The following MLIP variants were observed in gnomAD, a reference collection of about 807,000 sequenced individuals.
MLIP encodes the protein muscular LMNA interacting protein.
A neutral mutation model predicts 84.8 loss-of-function variants in MLIP; 79 were observed. The ratio of observed to expected loss-of-function variants is 0.93; its 90% CI spans 0.78 to 1.12. The LOEUF (loss-of-function observed/expected upper bound fraction) is 1.12. Among genes scored for constraint, MLIP ranks in the 50% most tolerant of loss-of-function variants. The probability of loss-of-function intolerance (pLI) is 0.00; values close to 1 mark genes in which losing one functional copy is unlikely to be tolerated. For synonymous variants in MLIP, 504 were observed against 463.0 expected (o/e 1.09, Z -1.14); for missense variants, 1,257 against 1,160.6 (o/e 1.08, Z -1.21).
intron 9 of MLIP, 136 bp from the exon 10 acceptor site, chr6:54,189,734 A>T (rs1582449159): frequency 3.2e-6 from 2 of 634,884 alleles, no homozygotes; most frequent in Admixed American, 6.4e-5. Flanking sequence ...GCATAAGGAT[A>T]TTTTTCCTTT....
chr6:54,241,446 G>A (rs1781730499), intron 12 of MLIP, among the ~76,000 whole-genome samples: 1 of 151,738 alleles, frequency 6.6e-6, no homozygotes, highest in South Asian at 2.1e-4. Context: ...GTTTACAATT[G>A]GGCCTGAGTG....
At chr6:54,123,919 C>T (rs1426321386) in intron 2 of MLIP, among the ~76,000 whole-genome samples, 3 of 152,158 alleles carry the variant, frequency 2.0e-5, no homozygotes, top group African/African-American at 7.2e-5. Context: ...ATGCTTTGTA[C>T]TAAAAATATC....
Position 54,105,501 on chromosome 6 carries a change from A to G in MLIP, c.64-15946A>G, listed in dbSNP as rs138508734. Among the ~76,000 whole-genome samples, 507 of 152,340 alleles carry G rather than the reference A, an allele frequency of 3.3e-3. 4 individuals carry two copies. The highest frequency in any genetic ancestry group is 0.011 in the African/African-American group (450 of 41,580). On this transcript the variant is annotated intron_variant, in intron 1 of 12. Transcript: ENST00000274897. ...ACAAGTATTTATTGAATGCCTTTAC[A>G]TGCCACATACTACTCTAGTTGCTAC...
chr6:54,107,189 T>C (rs1440868325), upstream of MLIP, among the ~76,000 whole-genome samples: 1 of 152,202 alleles, frequency 6.6e-6, no homozygotes, highest in Non-Finnish European at 1.5e-5. Context: ...TTTGGTTTAC[T>C]TTAATTAAGG....
At chr6:54,071,813 G>T (rs1430291083) in intron 1 of MLIP, among the ~76,000 whole-genome samples, 2 of 152,102 alleles carry the variant, frequency 1.3e-5, no homozygotes, top group South Asian at 2.1e-4. Flanking sequence ...AAAAGAGAGA[G>T]AAATGAAAAT....
At chr6:54,165,094 T>C (rs1775041349) in intron 8 of MLIP, among the ~76,000 whole-genome samples, 1 of 151,974 alleles carries the variant, frequency 6.6e-6, no homozygotes, top group Non-Finnish European at 1.5e-5. Context: ...GTTGGGTGTA[T>C]ATATGCCTGG....
chr6:54,143,444 G>A (rs900851409), intron 4 of MLIP, among the ~76,000 whole-genome samples: 2 of 152,058 alleles, frequency 1.3e-5, no homozygotes, highest in African/African-American at 4.8e-5. Flanking sequence ...GACCTCAGGT[G>A]ATCCGCCTGC....
intron 11 of MLIP, among the ~76,000 whole-genome samples, chr6:54,225,972 C>A (rs1416042530): frequency 6.6e-6 from 1 of 152,052 alleles, no homozygotes; most frequent in African/African-American, 2.4e-5. Context: ...GACATAGCAA[C>A]CCAAGAAAGC....
At chr6:54,209,152 T>C (rs901869568) in intron 11 of MLIP, among the ~76,000 whole-genome samples, 2 of 152,182 alleles carry the variant, frequency 1.3e-5, no homozygotes, top group Non-Finnish European at 2.9e-5. Context: ...TATAGACAGA[T>C]TTTGAATGAG....
intron 11 of MLIP, among the ~76,000 whole-genome samples, chr6:54,207,128 G>A (rs1779084726): frequency 6.6e-6 from 1 of 151,190 alleles, no homozygotes; most frequent in Admixed American, 6.6e-5. Flanking sequence ...GCTTCTCTAA[G>A]TTTTGCCATG....
intron 1 of MLIP, among the ~76,000 whole-genome samples, chr6:54,041,555 A>T (rs1368312876): frequency 6.6e-6 from 1 of 152,090 alleles, no homozygotes; most frequent in African/African-American, 2.4e-5. Flanking sequence ...AGTGTGTGTG[A>T]GTTCCAGTTG....
chr6:54,083,501 A>G (rs905906309), intron 1 of MLIP: 2 of 1,534,978 alleles, frequency 1.3e-6, no homozygotes, highest in Non-Finnish European at 8.7e-7. Context: ...TTTGTCAATG[A>G]GTTCTATTGG....
intron 1 of MLIP, among the ~76,000 whole-genome samples, chr6:54,073,266 G>A (rs1042609999): frequency 1.6e-4 from 24 of 152,092 alleles, no homozygotes; most frequent in African/African-American, 3.4e-4. Context: ...TCAGGTTTTC[G>A]TAGTTAACTT....
intron 12 of MLIP, among the ~76,000 whole-genome samples, chr6:54,240,078 T>C (rs916073887): frequency 6.6e-6 from 1 of 152,212 alleles, no homozygotes; most frequent in African/African-American, 2.4e-5. Context: ...ATGCCTATAC[T>C]TGAAAAAGTA....
At chr6:54,181,853 A>G (rs1776904563) in intron 9 of MLIP, among the ~76,000 whole-genome samples, 1 of 152,194 alleles carries the variant, frequency 6.6e-6, no homozygotes, top group African/African-American at 2.4e-5. Context: ...CTAGTGCTCT[A>G]TCCAATTGTG....
intron 3 of MLIP, among the ~76,000 whole-genome samples, chr6:54,133,716 T>C (rs1379890740): frequency 6.6e-6 from 1 of 152,188 alleles, no homozygotes; most frequent in Non-Finnish European, 1.5e-5. Context: ...TGGTCTCTAT[T>C]ACATAGGATC....
chr6:54,092,573 A>T (rs1388584790), intron 1 of MLIP, among the ~76,000 whole-genome samples: 3 of 151,998 alleles, frequency 2.0e-5, no homozygotes, highest in Non-Finnish European at 4.4e-5. Flanking sequence ...AGGTATAATT[A>T]TACCCACAAT....
At chr6:54,223,338 G>A (rs1235666298) in intron 11 of MLIP, among the ~76,000 whole-genome samples, 1 of 151,354 alleles carries the variant, frequency 6.6e-6, no homozygotes, top group African/African-American at 2.4e-5. Context: ...ACAATGTCAA[G>A]CAGAAGCTTT....
intron 1 of MLIP, among the ~76,000 whole-genome samples, chr6:54,086,893 TG>T (rs1194773262): frequency 6.6e-6 from 1 of 152,218 alleles, no homozygotes; most frequent in Non-Finnish European, 1.5e-5. Flanking sequence ...TGAAATCTAT[TG>T]TGCTCTCACC....
Sources: allele counts gnomAD v4.1 joint callset (sites outside exome capture counted in the v4.1 genomes callset), GRCh38; gene constraint gnomAD v4.1.1; transcripts MANE v1.5; gene names NCBI Gene and HGNC (gene_info 2026-07-23, HGNC 2026-07-21).